Variants in PKHD1L1 observed in about 807,000 individuals in gnomAD.
PKHD1L1 encodes the protein fibrocystin-L.
Under a neutral mutation model 462.9 loss-of-function variants are expected in PKHD1L1, and 434 were observed. That is an observed-to-expected ratio of 0.94 (90% CI 0.87 to 1.02). PKHD1L1 has a LOEUF of 1.02. Among genes scored for constraint, PKHD1L1 ranks in the 50% least tolerant of loss-of-function variants. PKHD1L1 has a pLI of 0.00. For missense variants in PKHD1L1, 5,202 were observed against 5,096.1 expected, an observed-to-expected ratio of 1.02 and a Z score of -0.63; for synonymous variants, 1,781 against 1,750.0, an observed-to-expected ratio of 1.02 and a Z score of -0.44.
At position 109,454,247 on chromosome 8, in the gene PKHD1L1, GT is replaced by G. The variant is rs1437359804; in HGVS notation, c.6744+2del. Reference sequence around the variant, plus strand: ...AATTACAGATGGAGGTGTTCTTCAGGTATTCAAAAGAACATAATACATATTC... The same window carrying G: ...AATTACAGATGGAGGTGTTCTTCAGGATTCAAAAGAACATAATACATATTC... On this transcript the variant is annotated splice_donor_variant, in intron 44 of 77. Transcript: ENST00000378402. LOFTEE classifies it high-confidence loss of function. 6.3e-7 allele frequency: 1 copy of G among 1,589,372 alleles called. No homozygotes were observed.
chr8:109,507,914 A>C lies in PKHD1L1; in HGVS notation c.11227+19A>C. 2 of 1,611,516 alleles carry C rather than the reference A, an allele frequency of 1.2e-6. No homozygotes were observed. Among genetic ancestry groups the C allele is most frequent in the Non-Finnish European group, 1.7e-6 (2 of 1,177,958 alleles). On this transcript the variant is annotated intron_variant, in intron 69 of 77. Transcript: ENST00000378402. ...CATAAAGGTTTGTTGGATCTTGCTT[A>C]ATCTGTCATTAGGCCTTAAACTCAT...
chr8:109,432,975 G>T, intron 27 of PKHD1L1, 131 bp from the exon 28 acceptor site: 1 of 637,180 alleles, frequency 1.6e-6, no homozygotes. Flanking sequence ...TTTTCTCCCT[G>T]CTCTCCTGTT....
At position 109,372,028 on chromosome 8, in the gene PKHD1L1, G is replaced by C. The variant is rs200012161; in HGVS notation, c.163+7392G>C. Among the ~76,000 whole-genome samples the C allele has an allele frequency of 4.5e-4, 68 of 151,896 alleles. 1 individual carries two copies. The highest frequency in any genetic ancestry group is 1.4e-3 in the African/African-American group (58 of 41,328). On this transcript the variant is annotated intron_variant, in intron 2 of 77. Coordinates refer to ENST00000378402, the MANE Select transcript of PKHD1L1 (RefSeq NM_177531.6). ...ATATGAACTTCAAAGTAGTTTTTTC[G>C]AATTCTGTGAAGAAAGTCATTGGTA...
chr8:109,476,214 CAT>C (rs139151304), intron 51 of PKHD1L1, among the ~76,000 whole-genome samples: 208 of 150,240 alleles, frequency 1.4e-3, no homozygotes, highest in East Asian at 9.8e-3. Context: ...TGTGTGTATG[CAT>C]ATATATATAT....
intron 25 of PKHD1L1, among the ~76,000 whole-genome samples, chr8:109,429,136 G>T (rs1367768015): frequency 2.6e-5 from 4 of 151,922 alleles, no homozygotes; most frequent in African/African-American, 9.7e-5. Context: ...TAATGCAATG[G>T]TCTTAATTTT....
At chr8:109,369,351 T>C (rs1811381602) in intron 2 of PKHD1L1, among the ~76,000 whole-genome samples, 1 of 152,202 alleles carries the variant, frequency 6.6e-6, no homozygotes, top group Non-Finnish European at 1.5e-5. Context: ...TTGGAATTAG[T>C]TTAAAAGTCA....
chr8:109,530,667 T>G lies in PKHD1L1; in HGVS notation c.*577T>G, dbSNP rs190594425. 2.8e-4 allele frequency among the ~76,000 whole-genome samples: 42 copies of G among 152,296 alleles called. No individual in the cohort carries two copies. The highest frequency in any genetic ancestry group is 1.4e-3 in the Admixed American group (21 of 15,294). On this transcript the variant is annotated 3_prime_UTR_variant, in exon 78 of 78. Coordinates refer to ENST00000378402, the MANE Select transcript of PKHD1L1 (RefSeq NM_177531.6). ...TAATCCCAGGAATTCTAGACTGTCC[T>G]GTATTTCTGGATCTGCCCAACTCTG...
At chr8:109,466,827 T>A in intron 50 of PKHD1L1, 58 bp downstream of exon 50, 1 of 1,448,560 alleles carries the variant, frequency 6.9e-7, no homozygotes, top group Admixed American at 2.4e-5. Flanking sequence ...TAAACTTTTG[T>A]CATCATCTTC....
At chr8:109,369,208 T>A (rs974984928) in intron 2 of PKHD1L1, among the ~76,000 whole-genome samples, 1 of 102,802 alleles carries the variant, frequency 9.7e-6, no homozygotes, top group Non-Finnish European at 2.1e-5. Context: ...ACTCCTGACT[T>A]CAGGTGATAA....
intron 44 of PKHD1L1, among the ~76,000 whole-genome samples, chr8:109,454,468 T>C (rs1816708530): frequency 6.6e-6 from 1 of 152,158 alleles, no homozygotes; most frequent in South Asian, 2.1e-4. Context: ...TAGAGCAGAA[T>C]TTAAAATAGA....
At chr8:109,462,371 C>G (rs986209254) in intron 48 of PKHD1L1, among the ~76,000 whole-genome samples, 1 of 152,088 alleles carries the variant, frequency 6.6e-6, no homozygotes, top group African/African-American at 2.4e-5. Context: ...CGTAAAACAA[C>G]AGGTCCAAGT....
chr8:109,496,854 T>A, intron 63 of PKHD1L1, 65 bp from the exon 64 acceptor site: 5 of 1,483,964 alleles, frequency 3.4e-6, no homozygotes, highest in Non-Finnish European at 4.6e-6. Context: ...TAACTGATAC[T>A]GCTTATTAAA....
At chr8:109,443,609 C>A in intron 36 of PKHD1L1, 67 bp from the exon 37 acceptor site, 1 of 1,197,176 alleles carries the variant, frequency 8.4e-7, no homozygotes, top group Non-Finnish European at 1.2e-6. Flanking sequence ...AAGAGTAACG[C>A]AGTTTGAAAA....
intron 27 of PKHD1L1, among the ~76,000 whole-genome samples, 160 bp from the exon 28 acceptor site, chr8:109,432,946 T>C (rs1204333006): frequency 6.6e-6 from 1 of 152,234 alleles, no homozygotes; most frequent in African/African-American, 2.4e-5. Context: ...TAAAATGCCA[T>C]TGACAAATAA....
At chr8:109,396,860 G>A (rs1018010925) in intron 11 of PKHD1L1, among the ~76,000 whole-genome samples, 1 of 152,176 alleles carries the variant, frequency 6.6e-6, no homozygotes, top group Non-Finnish European at 1.5e-5. Context: ...TCTTGCTCAA[G>A]TACTTTCTAC....
chr8:109,388,856 C>A (rs543409509), intron 7 of PKHD1L1, among the ~76,000 whole-genome samples: 1 of 152,150 alleles, frequency 6.6e-6, no homozygotes, highest in African/African-American at 2.4e-5. Context: ...TATTAAAGGG[C>A]ATAGTCAAAT....
intron 38 of PKHD1L1, 37 bp downstream of exon 38, chr8:109,445,682 GT>G: frequency 6.7e-7 from 1 of 1,498,930 alleles, no homozygotes; most frequent in Non-Finnish European, 9.1e-7. Context: ...TGATATTATA[GT>G]ATCGATAATA....
chr8:109,508,035 T>C, intron 69 of PKHD1L1, 62 bp from the exon 70 acceptor site: 1 of 1,512,872 alleles, frequency 6.6e-7, no homozygotes, highest in Non-Finnish European at 8.9e-7. Context: ...ATAGATGTTA[T>C]AAGGATTTTT....
intron 76 of PKHD1L1, among the ~76,000 whole-genome samples, chr8:109,525,009 A>C (rs184371472): frequency 6.6e-6 from 1 of 152,318 alleles, no homozygotes; most frequent in East Asian, 1.9e-4. Context: ...TTTTTAAATC[A>C]ATTAGCCAGT....
Sources: allele counts gnomAD v4.1 joint callset (sites outside exome capture counted in the v4.1 genomes callset), GRCh38; gene constraint gnomAD v4.1.1; transcripts MANE v1.5; gene names NCBI Gene and HGNC (gene_info 2026-07-23, HGNC 2026-07-21).